Variants in MROH1 observed in about 807,000 individuals in gnomAD.
MROH1 encodes the protein maestro heat-like repeat-containing protein family member 1.
A neutral mutation model predicts 116.5 loss-of-function variants in MROH1; 117 were observed. The ratio of observed to expected loss-of-function variants is 1.00; its 90% CI spans 0.86 to 1.17. The LOEUF (loss-of-function observed/expected upper bound fraction) is 1.17. Among genes scored for constraint, MROH1 ranks in the 50% most tolerant of loss-of-function variants. The pLI, the probability that MROH1 is intolerant of heterozygous loss-of-function variation, is 0.00. For missense variants in MROH1, 1,873 were observed against 1,338.5 expected, an observed-to-expected ratio of 1.40 and a Z score of -6.23; for synonymous variants, 921 against 583.9, an observed-to-expected ratio of 1.58 and a Z score of -8.32.
At chr8:144,241,791 C>T (rs1406172236) in intron 22 of MROH1, among the ~76,000 whole-genome samples, 2 of 152,244 alleles carry the variant, frequency 1.3e-5, no homozygotes, top group African/African-American at 2.4e-5. Flanking sequence ...GGGCAGGCCT[C>T]TGCCCCCTGG....
chr8:144,256,268 A>C lies in MROH1; in HGVS notation c.3791+563A>C, dbSNP rs1029969241. ...TGTGTGGCCTGACCCCAGGACCACG[A>C]GCCCATGTGAACGCAGGGCTGCCAT... On this transcript the variant is annotated intron_variant, in intron 35 of 43. Transcript: ENST00000326134. Among the ~76,000 whole-genome samples, 679 of 152,212 alleles carry C rather than the reference A, an allele frequency of 4.5e-3. 4 individuals carry two copies. The highest frequency in any genetic ancestry group is 0.024 in the Middle Eastern group (7 of 294).
chr8:144,246,797 G>A (rs1249104141), intron 29 of MROH1, among the ~76,000 whole-genome samples: 1 of 152,212 alleles, frequency 6.6e-6, no homozygotes, highest in East Asian at 1.9e-4. Flanking sequence ...GGGAGGAGGT[G>A]TGGAAGTAGG....
chr8:144,241,638 C>T, intron 22 of MROH1, 121 bp downstream of exon 22: 1 of 749,536 alleles, frequency 1.3e-6, no homozygotes, highest in African/African-American at 1.7e-5. Flanking sequence ...CCAATTTTTG[C>T]TCCTGCATTC....
intron 12 of MROH1, among the ~76,000 whole-genome samples, chr8:144,215,584 AAC>A (rs1835046676): frequency 1.3e-5 from 2 of 152,340 alleles, no homozygotes; most frequent in Non-Finnish European, 2.9e-5. Flanking sequence ...TAAAAAATGA[AAC>A]ACAGGCCGGG....
chr8:144,233,945 C>A (rs1554823697), intron 14 of MROH1, among the ~76,000 whole-genome samples: 1 of 152,228 alleles, frequency 6.6e-6, no homozygotes, highest in Non-Finnish European at 1.5e-5. Context: ...GCACAGAAGT[C>A]ATCCGGAATT....
chr8:144,181,293 G>GCCCGGTGATGGGGGAGGGA (rs2131355452), intron 7 of MROH1, among the ~76,000 whole-genome samples: 2 of 146,976 alleles, frequency 1.4e-5, no homozygotes, highest in East Asian at 4.0e-4. Context: ...TGGGGGAGGG[G>GCCCGGTGATGGGGGAGGGA]CCCGGTGATG....
chr8:144,155,169 T>C (rs1817735700), intron 1 of MROH1, among the ~76,000 whole-genome samples: 1 of 152,098 alleles, frequency 6.6e-6, no homozygotes, highest in African/African-American at 2.4e-5. Flanking sequence ...CAGGCTGGTC[T>C]CGAACTCCTG....
At chr8:144,151,775 CCGT>C (rs1816859094) in intron 1 of MROH1, among the ~76,000 whole-genome samples, 1 of 152,218 alleles carries the variant, frequency 6.6e-6, no homozygotes. Context: ...ATACAGCCTC[CCGT>C]CTCTGTGCTC....
rs971890338 is a variant in MROH1 at position 144,256,296 on chromosome 8, C to T, written c.3791+591C>T. Among the ~76,000 whole-genome samples the T allele has an allele frequency of 3.9e-5, 6 of 152,104 alleles. 1 individual carries two copies. Among genetic ancestry groups the T allele is most frequent in the Middle Eastern group, 6.3e-3 (2 of 316 alleles). On this transcript the variant is annotated intron_variant, in intron 35 of 43. Transcript: ENST00000326134. ...CCATGTGAACGCAGGGCTGCCATGC[C>T]GCACCTGCCCAGGAGGGCTCTGGTT...
At chr8:144,197,475 A>G (rs1480289597) in intron 10 of MROH1, among the ~76,000 whole-genome samples, 1 of 101,642 alleles carries the variant, frequency 9.8e-6, no homozygotes, top group Admixed American at 1.5e-4. Flanking sequence ...TTGCTCTGTC[A>G]CCCAGGCTGG....
chr8:144,186,686 G>T (rs753482602), intron 7 of MROH1, among the ~76,000 whole-genome samples: 1 of 152,228 alleles, frequency 6.6e-6, no homozygotes, highest in East Asian at 1.9e-4. Flanking sequence ...TGTCCTGACG[G>T]GGGGGTCACC....
chr8:144,258,350 G>A (rs943744795), intron 35 of MROH1, among the ~76,000 whole-genome samples: 30 of 152,292 alleles, frequency 2.0e-4, no homozygotes, highest in African/African-American at 5.8e-4. Context: ...GGGCCTGCTC[G>A]CCTCCCAGAG....
At chr8:144,215,765 C>T (rs979873854) in intron 12 of MROH1, among the ~76,000 whole-genome samples, 8 of 149,030 alleles carry the variant, frequency 5.4e-5, no homozygotes, top group Non-Finnish European at 1.0e-4. Flanking sequence ...CCCAGCTACT[C>T]GGGAGGCTGA....
At chr8:144,239,494 G>A in intron 17 of MROH1, 120 bp from the exon 18 acceptor site, 1 of 765,032 alleles carries the variant, frequency 1.3e-6, no homozygotes, top group South Asian at 1.4e-5. Context: ...CCTCTACGTG[G>A]GCGGCCCAGC....
intron 10 of MROH1, among the ~76,000 whole-genome samples, chr8:144,195,559 C>T (rs1398057386): frequency 6.8e-6 from 1 of 147,484 alleles, no homozygotes; most frequent in African/African-American, 2.5e-5. Context: ...CCAGGCTGGT[C>T]TCCAACTCCT....
At chr8:144,199,481 G>A (rs1016749169) in intron 11 of MROH1, among the ~76,000 whole-genome samples, 4 of 152,038 alleles carry the variant, frequency 2.6e-5, no homozygotes, top group Non-Finnish European at 5.9e-5. Context: ...TTCCCTACCT[G>A]CCCCCCGCCT....
At chr8:144,173,347 A>G (rs924737321) in intron 4 of MROH1, among the ~76,000 whole-genome samples, 3 of 151,864 alleles carry the variant, frequency 2.0e-5, no homozygotes, top group African/African-American at 7.2e-5. Flanking sequence ...ACCTCAAGCA[A>G]TCCACCTGCC....
chr8:144,212,844 G>A (rs1361715486), intron 12 of MROH1: 2 of 552,580 alleles, frequency 3.6e-6, no homozygotes, highest in African/African-American at 3.8e-5. Flanking sequence ...ACCTGCCCCG[G>A]CCTCCCAAAG....
In MROH1 at chr8:144,180,202, G is replaced by C. The variant is rs1239705162; in HGVS notation, c.325G>C (p.Ala109Pro). ...TKDLVWDWQQ[A>P]ASGVLVAVGR... ...GGACCTGGTCTGGGACTGGCAGCAGGCGGCGAGTGGCGTCCTGGTGGCCGT... is the reference window on the plus strand; with the variant it reads ...GGACCTGGTCTGGGACTGGCAGCAGCCGGCGAGTGGCGTCCTGGTGGCCGT... Residue 109 changes from alanine (A) to proline (P), a missense_variant, in exon 6 of 44, where the codon GCG becomes CCG. Physicochemically the swap from Ala to Pro is conservative, Grantham distance 27. Coordinates refer to ENST00000326134, the MANE Select transcript of MROH1 (RefSeq NM_032450.3). This position sits in a 1 kb window ranked among gnomAD's most constrained non-coding sequence, Gnocchi z 7.4. 2 of 1,613,790 alleles carry C rather than the reference G, an allele frequency of 1.2e-6. No homozygotes were observed. The highest frequency in any genetic ancestry group is 1.7e-6 in the Non-Finnish European group (2 of 1,179,860).
Sources: allele counts gnomAD v4.1 joint callset (sites outside exome capture counted in the v4.1 genomes callset), GRCh38; gene constraint gnomAD v4.1.1; non-coding constraint Gnocchi (gnomAD v3.1); transcripts MANE v1.5; gene names NCBI Gene and HGNC (gene_info 2026-07-23, HGNC 2026-07-21).